FAM53A: variants seen among roughly 807,000 people sequenced by gnomAD.
FAM53A encodes protein FAM53A.
Under a neutral mutation model 26.6 loss-of-function variants are expected in FAM53A, and 28 were observed. The ratio of observed to expected loss-of-function variants is 1.05; its 90% CI spans 0.78 to 1.45. FAM53A has a LOEUF of 1.45. FAM53A is among the 40% of genes most tolerant of loss of function. The probability of loss-of-function intolerance (pLI) is 0.00; values close to 1 mark genes in which losing one functional copy is unlikely to be tolerated. For synonymous variants in FAM53A, 290 were observed against 253.1 expected (o/e 1.15, Z -1.38); for missense variants, 650 against 575.8 (o/e 1.13, Z -1.32).
At chr4:1,576,914 C>T in the FAM53A span, among the ~76,000 whole-genome samples, 17 of 152,288 alleles carry the variant, frequency 1.1e-4, 1 homozygote, top group East Asian at 1.2e-3. Context: ...TAAGACAGAA[C>T]GAGGGGTGAG....
chr4:1,654,247 G>A (rs1454221134), intron 4 of FAM53A, among the ~76,000 whole-genome samples: 1 of 152,296 alleles, frequency 6.6e-6, no homozygotes, highest in Non-Finnish European at 1.5e-5. Flanking sequence ...ACTCTGTCAC[G>A]GCTCTGCCAT....
Position 1,640,388 on chromosome 4 carries a change from G to A in FAM53A, c.*905C>T. The A allele has an allele frequency of 7.7e-6, 2 of 258,612 alleles. No homozygotes were observed. Among genetic ancestry groups the A allele is most frequent in the South Asian group, 3.8e-5 (1 of 26,222 alleles). The allele number at this position is 258,612 out of a possible 1,614,324, so 16.0% of individuals were successfully genotyped here. A position where few individuals can be genotyped will look rare whatever the true frequency, so the allele number is the denominator to read the frequency against. Reference sequence around the variant, plus strand: ...TGGGACTCTGACCACCAACGCCCGGGGTTTCCTAGCAACTAAAGCACACAA... The same window carrying A: ...TGGGACTCTGACCACCAACGCCCGGAGTTTCCTAGCAACTAAAGCACACAA... On this transcript the variant is annotated 3_prime_UTR_variant, in exon 5 of 5. Transcript: ENST00000308132.
At chr4:1,636,807 C>G (rs370514423), downstream of FAM53A, among the ~76,000 whole-genome samples, 1 of 152,212 alleles carries the variant, frequency 6.6e-6, no homozygotes, top group African/African-American at 2.4e-5. Context: ...TAGCATGGGG[C>G]CCAGGGTCCT....
At chr4:1,685,905 T>G (rs1190095505), upstream of FAM53A, among the ~76,000 whole-genome samples, 1 of 152,200 alleles carries the variant, frequency 6.6e-6, no homozygotes, top group African/African-American at 2.4e-5. Context: ...GTTTCCATCC[T>G]GGCCCCTGTG....
chr4:1,623,026 G>A (rs558077496), intron 1 of FAM53A, among the ~76,000 whole-genome samples: 1 of 152,346 alleles, frequency 6.6e-6, no homozygotes, highest in South Asian at 2.1e-4. Flanking sequence ...AGGCACAGGC[G>A]CTGAAGCAGC....
In FAM53A at chr4:1,640,331, AC is replaced by A. The variant is rs983719237; in HGVS notation, c.*961del. 9.2e-6 allele frequency: 2 copies of A among 216,300 alleles called. No homozygotes were observed. Among genetic ancestry groups the A allele is most frequent in the African/African-American group, 2.5e-5 (1 of 39,998 alleles). The allele number at this position is 216,300 out of a possible 1,614,324, so 13.4% of individuals were successfully genotyped here. A position where few individuals can be genotyped will look rare whatever the true frequency, so the allele number is the denominator to read the frequency against. The stretch of plus-strand genomic sequence containing the variant: ...CCATGCGCAAGCCCCAAGCACCGTG[AC>A]CCGTCGGGAGGGGGGGACACACGGG... On this transcript the variant is annotated 3_prime_UTR_variant, in exon 5 of 5. Coordinates refer to ENST00000308132, the MANE Select transcript of FAM53A (RefSeq NM_001174070.3).
chr4:1,641,691 T>C (rs1318288486), intron 4 of FAM53A, 84 bp from the exon 5 acceptor site: 4 of 1,421,228 alleles, frequency 2.8e-6, no homozygotes, highest in Non-Finnish European at 3.9e-6. Flanking sequence ...GAGGGCTCGG[T>C]GTGCTGGGGC....
chr4:1,593,127 CG>C, the FAM53A span, among the ~76,000 whole-genome samples: 1 of 152,166 alleles, frequency 6.6e-6, no homozygotes, highest in Admixed American at 6.5e-5. Flanking sequence ...GTGCGGGAGC[CG>C]GTGGCGGCCA....
intron 1 of FAM53A, among the ~76,000 whole-genome samples, chr4:1,670,563 G>T (rs936989319): frequency 2.6e-5 from 4 of 152,208 alleles, no homozygotes; most frequent in African/African-American, 9.7e-5. Context: ...GGCTGTGCCC[G>T]CCTGGCTCAC....
the FAM53A span, among the ~76,000 whole-genome samples, chr4:1,593,317 C>A: frequency 6.6e-6 from 1 of 152,076 alleles, no homozygotes; most frequent in Non-Finnish European, 1.5e-5. Flanking sequence ...GTGCGCTCAG[C>A]CCAGGCCAGG....
At position 1,668,810 on chromosome 4, in the gene FAM53A, G is replaced by A. The variant is rs1261049473; in HGVS notation, c.-69C>T. The A allele has an allele frequency of 2.3e-5, 35 of 1,494,072 alleles. No individual in the cohort carries two copies. The highest frequency in any genetic ancestry group is 3.2e-5 in the Non-Finnish European group (34 of 1,075,464). 92.6% of individuals were successfully genotyped at this position (1,494,072 alleles called of 1,614,324 possible). A position where few individuals can be genotyped will look rare whatever the true frequency, so the allele number is the denominator to read the frequency against. ...GTCCTGGAACATCAGACTTGCGAAG[G>A]CCCCAGCATTGCTGGGTCAGCCAAA... is the stretch of plus-strand genomic sequence containing the variant. On this transcript the variant is annotated 5_prime_UTR_variant, in exon 2 of 5. Coordinates refer to ENST00000308132, the MANE Select transcript of FAM53A (RefSeq NM_001174070.3).
At chr4:1,583,918 C>T in the FAM53A span, among the ~76,000 whole-genome samples, 12 of 152,198 alleles carry the variant, frequency 7.9e-5, no homozygotes, top group South Asian at 2.1e-4. Flanking sequence ...TTTCCATTTG[C>T]GTCTTTCTGA....
chr4:1,626,628 G>A (rs1027456591), intron 1 of FAM53A, among the ~76,000 whole-genome samples: 2 of 149,340 alleles, frequency 1.3e-5, no homozygotes, highest in African/African-American at 2.5e-5. Flanking sequence ...GGGGACCCGG[G>A]ACAGTGTAAA....
chr4:1,618,400 A>G (rs1198844964), intron 1 of FAM53A, among the ~76,000 whole-genome samples: 1 of 152,168 alleles, frequency 6.6e-6, no homozygotes, highest in East Asian at 1.9e-4. Flanking sequence ...GCCTGACCAC[A>G]GCTCCAGGCC....
chr4:1,665,650 C>T (rs1258267664), intron 2 of FAM53A, among the ~76,000 whole-genome samples: 1 of 152,180 alleles, frequency 6.6e-6, no homozygotes, highest in East Asian at 1.9e-4. Flanking sequence ...GTGGCCCTGG[C>T]TGGCCACTAA....
the FAM53A span, among the ~76,000 whole-genome samples, chr4:1,581,396 G>A: frequency 6.6e-6 from 1 of 152,274 alleles, no homozygotes; most frequent in African/African-American, 2.4e-5. Context: ...CTCCCTTACA[G>A]AAGTAGAAGT....
chr4:1,585,274 CTCTTTT>C, the FAM53A span, among the ~76,000 whole-genome samples: 40 of 79,262 alleles, frequency 5.0e-4, no homozygotes, highest in East Asian at 0.014. Flanking sequence ...CTCTCTCTCT[CTCTTTT>C]TTTTTTTTTT....
intron 1 of FAM53A, among the ~76,000 whole-genome samples, chr4:1,670,419 A>C (rs1714554967): frequency 6.6e-6 from 1 of 152,212 alleles, no homozygotes; most frequent in Non-Finnish European, 1.5e-5. Context: ...TCCCGTCACC[A>C]GGCACAGCCC....
chr4:1,594,429 C>A, the FAM53A span, among the ~76,000 whole-genome samples: 235 of 152,242 alleles, frequency 1.5e-3, no homozygotes, highest in East Asian at 0.037. Flanking sequence ...CACTGCCCCC[C>A]GGGGTATACA....
Sources: gnomAD v4.1 joint callset for allele counts (sites outside exome capture counted in the v4.1 genomes callset) on GRCh38, gnomAD v4.1.1 for gene constraint, MANE v1.5 for transcripts, NCBI Gene and HGNC (gene_info 2026-07-23, HGNC 2026-07-21) for gene names.